Variants in TOMT observed in about 807,000 individuals in gnomAD.
TOMT encodes the protein transmembrane O-methyltransferase.
In TOMT, 23 loss-of-function variants were observed where a neutral mutation model predicts 21.7. The ratio of observed to expected loss-of-function variants is 1.06; its 90% CI spans 0.76 to 1.50. The LOEUF (loss-of-function observed/expected upper bound fraction) is 1.50. Among genes scored for constraint, TOMT ranks in the 40% most tolerant of loss-of-function variants. The probability of loss-of-function intolerance (pLI) is 0.00; values close to 1 mark genes in which losing one functional copy is unlikely to be tolerated. For missense variants in TOMT, 331 were observed against 348.7 expected (o/e 0.95, Z 0.41); for synonymous variants, 132 against 150.8 (o/e 0.88, Z 0.91).
exon 3 of TOMT, chr11:72,108,715 G>A (rs984536181): frequency 6.5e-7 from 1 of 1,549,768 alleles, no homozygotes; most frequent in Non-Finnish European, 8.7e-7. Context: ...GATGTTACCT[G>A]AGGGACCTGC....
At position 72,107,902 on chromosome 11, in the gene TOMT, A is replaced by G; in HGVS notation, c.260-21A>G. 1.9e-6 allele frequency: 3 copies of G among 1,551,542 alleles called. No homozygotes were observed. The South Asian group carries it at 3.6e-5, about 18-fold the overall frequency. Reference sequence around the variant, plus strand: ...TGCATCCATCTCCCATGTCTTCTGCAACAGCCATCTCCCCTCATAGGTCAG... The same window carrying G: ...TGCATCCATCTCCCATGTCTTCTGCGACAGCCATCTCCCCTCATAGGTCAG... On this transcript the variant is annotated intron_variant, in intron 1 of 2. Coordinates refer to ENST00000541899, the Ensembl canonical transcript of TOMT.
chr11:72,106,421 A>G, intron 1 of TOMT: 1 of 528,312 alleles, frequency 1.9e-6, no homozygotes. Flanking sequence ...GGAATGTGCT[A>G]GGTGCCAGGG....
At position 72,108,930 on chromosome 11, in the gene TOMT, C is replaced by T. The variant is rs773983684; in HGVS notation, c.*5C>T. ...ACCTATGCTGGACCAGGCTGAGGTCCAGGCCCAGGGGTACTTACTGATGCC... is the reference window on the plus strand; with the variant it reads ...ACCTATGCTGGACCAGGCTGAGGTCTAGGCCCAGGGGTACTTACTGATGCC... On this transcript the variant is annotated 3_prime_UTR_variant, in exon 3 of 3. Transcript: ENST00000541899. 1.1e-5 allele frequency: 16 copies of T among 1,519,690 alleles called. No homozygotes were observed. The South Asian group carries it at 2.0e-4, about 19-fold the overall frequency. The allele number at this position is 1,519,690 out of a possible 1,614,324, so 94.1% of individuals were successfully genotyped here. A position where few individuals can be genotyped will look rare whatever the true frequency, so the allele number is the denominator to read the frequency against.
chr11:72,107,990 T>G, exon 2 of TOMT: 2 of 1,551,754 alleles, frequency 1.3e-6, no homozygotes, highest in Non-Finnish European at 1.7e-6. Context: ...GAACCTACTG[T>G]GGATACTCTA....
chr11:72,109,592 A>G, downstream of TOMT: 1 of 542,548 alleles, frequency 1.8e-6, no homozygotes. Flanking sequence ...ATGGGTGGAA[A>G]ATCACTCCTT....
At chr11:72,108,556 GGAGA>G in intron 2 of TOMT, 45 bp from the exon 3 acceptor site, 1 of 1,418,832 alleles carries the variant, frequency 7.0e-7, no homozygotes, top group Non-Finnish European at 9.3e-7. Context: ...GTCTTGACTG[GGAGA>G]ACAATTCCCC....
exon 3 of TOMT, chr11:72,109,219 G>A: frequency 2.1e-6 from 1 of 485,404 alleles, no homozygotes; most frequent in South Asian, 1.9e-5. Flanking sequence ...GACTCCAAGG[G>A]AATCCCCACC....
In TOMT at chr11:72,108,108, G is replaced by C. The variant is rs1484990067; in HGVS notation, c.445G>C (p.Asp149His). The C allele has an allele frequency of 1.7e-5, 26 of 1,520,074 alleles. No individual in the cohort carries two copies. Among genetic ancestry groups the C allele is most frequent in the Non-Finnish European group, 2.3e-5 (26 of 1,128,398 alleles). 94.2% of individuals were successfully genotyped at this position (1,520,074 alleles called of 1,614,324 possible). Reference sequence around the variant, plus strand: ...AAAACTCATCCGCCTGGCCGGCTTTGATGAGCACATGGTCAGCCTCCCATC... The same window carrying C: ...AAAACTCATCCGCCTGGCCGGCTTTCATGAGCACATGGTCAGCCTCCCATC... The change falls in exon 2 of 3, where the codon GAT becomes CAT. Residue 149 changes from aspartate to histidine, a missense_variant. Physicochemically the swap from Asp to His is moderately conservative, Grantham distance 81 (BLOSUM62 -1). Transcript: ENST00000541899.
chr11:72,105,937 G>T, exon 1 of TOMT: 1 of 1,537,674 alleles, frequency 6.5e-7, no homozygotes. Context: ...CCACCCCAGG[G>T]CCCAGGTAGG....
chr11:72,108,643 G>A lies in TOMT; in HGVS notation c.495G>A (p.Pro165=), dbSNP rs543661539. The stretch of plus-strand genomic sequence containing the variant: ...TGGGCAGCTCAGAGGACGTGATCCC[G>A]TGCCTACGCACCCAGTATCAGCTGA... The change falls in exon 3 of 3, where the codon CCG becomes CCA. Residue 165 remains proline, a synonymous_variant. Coordinates refer to ENST00000541899, the Ensembl canonical transcript of TOMT. The A allele has an allele frequency of 4.3e-5, 65 of 1,502,186 alleles. No individual in the cohort carries two copies. Among genetic ancestry groups the A allele is most frequent in the African/African-American group, 8.3e-5 (6 of 72,242 alleles). The allele number at this position is 1,502,186 out of a possible 1,614,324, so 93.1% of individuals were successfully genotyped here.
intron 2 of TOMT, 54 bp from the exon 3 acceptor site, chr11:72,108,551 G>C (rs1048952330): frequency 1.4e-6 from 2 of 1,414,882 alleles, no homozygotes; most frequent in African/African-American, 2.9e-5. Flanking sequence ...GTGGGGTCTT[G>C]ACTGGGAGAA....
exon 2 of TOMT, chr11:72,107,991 G>A: frequency 6.4e-7 from 1 of 1,551,756 alleles, no homozygotes; most frequent in African/African-American, 1.4e-5. Flanking sequence ...AACCTACTGT[G>A]GATACTCTAC....
chr11:72,108,247 T>C, intron 2 of TOMT, 128 bp downstream of exon 2: 2 of 802,370 alleles, frequency 2.5e-6, no homozygotes, highest in Non-Finnish European at 3.7e-6. Flanking sequence ...TGCTGGATGG[T>C]GTGTGAGCTC....
At chr11:72,107,939 G>T in exon 2 of TOMT, 1 of 1,551,726 alleles carries the variant, frequency 6.4e-7, no homozygotes, top group Non-Finnish European at 8.7e-7. Flanking sequence ...TCCTGATGCG[G>T]CTGGTGGAGG....
At chr11:72,107,794 G>A in intron 1 of TOMT, 129 bp from the exon 2 acceptor site, 1 of 977,776 alleles carries the variant, frequency 1.0e-6, no homozygotes, top group South Asian at 1.6e-5. Context: ...TGGGGCTATG[G>A]TACAAGAGAC....
exon 1 of TOMT, chr11:72,106,143 C>A: frequency 6.5e-7 from 1 of 1,540,196 alleles, no homozygotes; most frequent in Non-Finnish European, 8.8e-7. Flanking sequence ...ACCCTGGTCA[C>A]ATCCTCACCA....
In TOMT at chr11:72,106,094, G is replaced by A. The variant is rs137853185; in HGVS notation, c.143G>A (p.Arg48Gln). Residue 48 changes from arginine (R) to glutamine (Q), a missense_variant, in exon 1 of 3, where the codon CGG becomes CAG. Arg to Gln is a conservative substitution (Grantham distance 43, BLOSUM62 1). Transcript: ENST00000541899. ...CTGTCAGGGCTGCGGATCGAGGAGC[G>A]GGCCTTCAGCTACGTGCTCACCCAT... The A allele has an allele frequency of 4.1e-5, 63 of 1,549,212 alleles. No homozygotes were observed. The highest frequency in any genetic ancestry group is 1.7e-4 in the Middle Eastern group (1 of 6,014).
chr11:72,108,789 T>C lies in TOMT; in HGVS notation c.641T>C (p.Phe214Ser), dbSNP rs1946007304. 4 of 1,550,538 alleles carry C rather than the reference T, an allele frequency of 2.6e-6. No homozygotes were observed. In the East Asian group the frequency reaches 9.8e-5, roughly 38 times the overall value. Residue 214 changes from phenylalanine to serine, a missense_variant, in exon 3 of 3, where the codon TTC (phenylalanine) becomes TCC (serine). Phe to Ser is a radical substitution (Grantham distance 155). Coordinates refer to ENST00000541899, the Ensembl canonical transcript of TOMT. ...ACCGTGCTGGCTGACCATGTGCTCT[T>C]CCCTGGTGCACCCCGCTTCTTGCAG...
exon 3 of TOMT, chr11:72,108,758 G>A: frequency 6.4e-7 from 1 of 1,550,480 alleles, no homozygotes; most frequent in Non-Finnish European, 8.7e-7. Flanking sequence ...ACTGCCAGCA[G>A]GTGCCACCGT....
Sources: gnomAD v4.1 joint callset for allele counts on GRCh38, gnomAD v4.1.1 for gene constraint, MANE v1.5 for transcripts, NCBI Gene and HGNC (gene_info 2026-07-23, HGNC 2026-07-21) for gene names.